FHAD1: variants seen among roughly 807,000 people sequenced by gnomAD.
The protein encoded by FHAD1 is forkhead associated phosphopeptide binding domain 1, also known as forkhead-associated domain-containing protein 1.
In FHAD1, 146 loss-of-function variants were observed where a neutral mutation model predicts 191.3. The ratio of observed to expected loss-of-function variants is 0.76; its 90% CI spans 0.67 to 0.88. The LOEUF (loss-of-function observed/expected upper bound fraction) is 0.88, where lower values mean the gene tolerates loss of function less well. Ranked by LOEUF, FHAD1 falls within the 40% of genes least tolerant of loss-of-function variation. The pLI, the probability that FHAD1 is intolerant of heterozygous loss-of-function variation, is 0.00. For missense variants in FHAD1, 1,635 were observed against 1,785.8 expected, an observed-to-expected ratio of 0.92 and a Z score of 1.52; for synonymous variants, 616 against 672.3, an observed-to-expected ratio of 0.92 and a Z score of 1.29.
intron 4 of FHAD1, 58 bp from the exon 5 acceptor site, chr1:15,296,626 T>C (rs1247644538): frequency 1.4e-5 from 19 of 1,374,030 alleles, no homozygotes; most frequent in Non-Finnish European, 1.8e-5. Context: ...AACATCTTCT[T>C]CAGGCCTCAG....
Position 15,345,127 on chromosome 1 carries a change from G to C in FHAD1, c.2175G>C (p.Glu725Asp). ...CTCAAGAGAGAAACAGAGCGAAAGA[G>C]ACTTTAGAGGAAGAACGGAAGAGAA... is the stretch of plus-strand genomic sequence containing the variant. ...YITQERNRAK[E>D]TLEEERKRMQ... Residue 725 changes from glutamate to aspartate, a missense_variant, in exon 17 of 34, where the codon GAG becomes GAC. Glu to Asp is a conservative substitution (Grantham distance 45, BLOSUM62 2). Transcript: ENST00000688493. The C allele has an allele frequency of 6.4e-7, 1 of 1,551,856 alleles. No individual in the cohort carries two copies. The highest frequency in any genetic ancestry group is 8.7e-7 in the Non-Finnish European group (1 of 1,147,028).
chr1:15,327,006 C>T lies in FHAD1; in HGVS notation c.1474-53C>T. 7.7e-6 allele frequency: 9 copies of T among 1,169,464 alleles called. No homozygotes were observed. Among genetic ancestry groups the T allele is most frequent in the Non-Finnish European group, 1.1e-5 (9 of 800,498 alleles). The allele number at this position is 1,169,464 out of a possible 1,614,324, so 72.4% of individuals were successfully genotyped here. ...CACCCTGCCATGGAAACGCTGCCCCCACTTGCCGGCCCCTGCTGACCCCCT... is the reference window on the plus strand; with the variant it reads ...CACCCTGCCATGGAAACGCTGCCCCTACTTGCCGGCCCCTGCTGACCCCCT... On this transcript the variant is annotated intron_variant, in intron 11 of 33. Transcript: ENST00000688493. This position sits in a 1 kb window ranked among gnomAD's most constrained non-coding sequence, Gnocchi z 5.1.
chr1:15,340,499 G>T (rs1686127309), intron 15 of FHAD1, among the ~76,000 whole-genome samples: 1 of 152,136 alleles, frequency 6.6e-6, no homozygotes, highest in South Asian at 2.1e-4. Flanking sequence ...AGCCTAGGCT[G>T]TTCTCATGGA....
chr1:15,243,694 G>T (rs1645666059), upstream of FHAD1, among the ~76,000 whole-genome samples: 1 of 152,248 alleles, frequency 6.6e-6, no homozygotes, highest in South Asian at 2.1e-4. Flanking sequence ...AATGTGGGTG[G>T]CAGGCCTAAG....
chr1:15,300,759 G>A (rs1206155164), intron 5 of FHAD1, among the ~76,000 whole-genome samples: 1 of 152,294 alleles, frequency 6.6e-6, no homozygotes, highest in Admixed American at 6.5e-5. Flanking sequence ...GAGTTGCCAA[G>A]TGACAGAGAG....
In FHAD1 at chr1:15,272,507, T is replaced by C. The variant is rs1345447496; in HGVS notation, c.278T>C (p.Leu93Pro). 6.5e-7 allele frequency: 1 copy of C among 1,546,418 alleles called. No individual in the cohort carries two copies. The highest frequency in any genetic ancestry group is 1.4e-5 in the African/African-American group (1 of 72,928). ...GGGTCTGCAGGGCTGACCTATGAAC[T>C]GGTCATTGAAAATCCACCTCCGGTG... ...RFGSAGLTYELVIENPPPVSF... is the reference protein window; with the variant it reads ...RFGSAGLTYEPVIENPPPVSF... Residue 93 changes from leucine to proline, a missense_variant, in exon 3 of 34, where the codon CTG (leucine) becomes CCG (proline). Coordinates refer to ENST00000688493, the MANE Select transcript of FHAD1 (RefSeq NM_001391957.1).
intron 2 of FHAD1, among the ~76,000 whole-genome samples, chr1:15,261,935 C>T (rs1161572599): frequency 6.6e-6 from 1 of 152,136 alleles, no homozygotes; most frequent in Non-Finnish European, 1.5e-5. Flanking sequence ...GGGTTCAAGG[C>T]TGTATTATGC....
In FHAD1 at chr1:15,355,134, G is replaced by A. The variant is rs374653476; in HGVS notation, c.2562+2150G>A. 1.4e-3 allele frequency among the ~76,000 whole-genome samples: 211 copies of A among 152,070 alleles called. 1 individual carries two copies. The South Asian group carries it at 0.027, about 20-fold the overall frequency. Reference sequence around the variant, plus strand: ...TGAGGCAGGAGAATCACTTGAACCCGGGAGGCAGAGGTTGCAATGAGTCAA... The same window carrying A: ...TGAGGCAGGAGAATCACTTGAACCCAGGAGGCAGAGGTTGCAATGAGTCAA... On this transcript the variant is annotated intron_variant, in intron 20 of 33. Coordinates refer to ENST00000688493, the MANE Select transcript of FHAD1 (RefSeq NM_001391957.1).
At chr1:15,323,049 C>T (rs1361172080) in intron 10 of FHAD1, among the ~76,000 whole-genome samples, 2 of 152,098 alleles carry the variant, frequency 1.3e-5, no homozygotes, top group Admixed American at 6.5e-5. Context: ...ACTTATTCAC[C>T]ATCAGGAGAA....
chr1:15,253,093 G>A (rs1646986138), intron 2 of FHAD1, among the ~76,000 whole-genome samples: 1 of 151,460 alleles, frequency 6.6e-6, no homozygotes, highest in Non-Finnish European at 1.5e-5. Context: ...TCCTCCAGTG[G>A]TTACTTACTA....
intron 3 of FHAD1, among the ~76,000 whole-genome samples, chr1:15,282,099 C>T (rs927034009): frequency 2.0e-5 from 3 of 152,282 alleles, no homozygotes; most frequent in Middle Eastern, 6.8e-3. Context: ...TCTGCTGTTA[C>T]AAGATGCCCC....
At chr1:15,328,505 C>T (rs1008917062) in intron 13 of FHAD1, 76 bp downstream of exon 13, 5 of 1,244,376 alleles carry the variant, frequency 4.0e-6, no homozygotes, top group Non-Finnish European at 5.2e-6. Context: ...AATTGCCCAG[C>T]TTTTTTGGAG....
Position 15,397,261 on chromosome 1 carries a change from A to G in FHAD1, c.4324-36A>G, listed in dbSNP as rs372573747. ...GTGGAACAATTGGAGTCTTGCTGCAATGGAGTTTGTGTGTTTTTTCTCTTG... is the reference window on the plus strand; with the variant it reads ...GTGGAACAATTGGAGTCTTGCTGCAGTGGAGTTTGTGTGTTTTTTCTCTTG... On this transcript the variant is annotated intron_variant, in intron 33 of 33. Coordinates refer to ENST00000688493, the MANE Select transcript of FHAD1 (RefSeq NM_001391957.1). The G allele has an allele frequency of 1.6e-4, 159 of 1,023,056 alleles. No homozygotes were observed. In the African/African-American group the frequency reaches 1.7e-3, roughly 11 times the overall value. The allele number at this position is 1,023,056 out of a possible 1,614,324, so 63.4% of individuals were successfully genotyped here.
rs1558128783 is a variant in FHAD1, at chr1:15,329,319, G to A, written c.1711-27G>A. On this transcript the variant is annotated intron_variant, in intron 13 of 33. Coordinates refer to ENST00000688493, the MANE Select transcript of FHAD1 (RefSeq NM_001391957.1). This position sits in a 1 kb window ranked among gnomAD's most constrained non-coding sequence, Gnocchi z 5.0. ...GGCTATTTCTGGCCACAGGGCCTGG[G>A]CTCCTCATGATCTCACCTCTTTGCA... 1 of 1,518,082 alleles carries A rather than the reference G, an allele frequency of 6.6e-7. No homozygotes were observed. Among genetic ancestry groups the A allele is most frequent in the Non-Finnish European group, 8.9e-7 (1 of 1,123,282 alleles). 94.0% of individuals were successfully genotyped at this position (1,518,082 alleles called of 1,614,324 possible). A position where few individuals can be genotyped will look rare whatever the true frequency, so the allele number is the denominator to read the frequency against.
Position 15,289,672 on chromosome 1 carries a change from C to A in FHAD1, c.568+6C>A, listed in dbSNP as rs540048659. 4 of 1,541,468 alleles carry A rather than the reference C, an allele frequency of 2.6e-6. No individual in the cohort carries two copies. Among genetic ancestry groups the A allele is most frequent in the South Asian group, 1.2e-5 (1 of 83,776 alleles). On this transcript the variant is annotated splice_donor_region_variant and intron_variant, in intron 4 of 33. Coordinates refer to ENST00000688493, the MANE Select transcript of FHAD1 (RefSeq NM_001391957.1). This position sits in a 1 kb window ranked among gnomAD's most constrained non-coding sequence, Gnocchi z 4.2. ...GCCACCCGTCATCAAGCAAGGTATG[C>A]GTCAGGGCTGCCATTGGTGGCTTGG...
intron 14 of FHAD1, among the ~76,000 whole-genome samples, chr1:15,331,235 T>TC (rs1051353036): frequency 5.3e-5 from 8 of 151,968 alleles, no homozygotes; most frequent in African/African-American, 1.9e-4. Context: ...GACAGCTGTT[T>TC]CCCCAGGTGT....
intron 20 of FHAD1, among the ~76,000 whole-genome samples, chr1:15,357,252 C>T (rs767514035): frequency 2.0e-5 from 3 of 152,138 alleles, no homozygotes; most frequent in African/African-American, 7.2e-5. Flanking sequence ...TCGTAAGATG[C>T]CCAGCACAGT....
intron 24 of FHAD1, 140 bp from the exon 25 acceptor site, chr1:15,367,323 C>T: frequency 2.1e-6 from 2 of 931,990 alleles, no homozygotes; most frequent in Non-Finnish European, 3.1e-6. Flanking sequence ...TGGTGAAACC[C>T]TGTCTCTACT....
In FHAD1 at chr1:15,369,066, G is replaced by A. The variant is rs1697361557; in HGVS notation, c.3315-304G>A. Reference sequence around the variant, plus strand: ...TACCTAACTTGTGGGATTGTTATGAGAGATAGAAGGGTTAGCCACACATAA... The same window carrying A: ...TACCTAACTTGTGGGATTGTTATGAAAGATAGAAGGGTTAGCCACACATAA... On this transcript the variant is annotated intron_variant, in intron 25 of 33. Transcript: ENST00000688493. Among the ~76,000 whole-genome samples, 3 of 152,324 alleles carry A rather than the reference G, an allele frequency of 2.0e-5. 1 individual carries two copies. In the South Asian group the frequency reaches 6.2e-4, roughly 32 times the overall value.
Sources: allele counts gnomAD v4.1 joint callset (sites outside exome capture counted in the v4.1 genomes callset), GRCh38; gene constraint gnomAD v4.1.1; non-coding constraint Gnocchi (gnomAD v3.1); transcripts MANE v1.5; gene names NCBI Gene and HGNC (gene_info 2026-07-23, HGNC 2026-07-21).